GMNC: variants seen among roughly 807,000 people sequenced by gnomAD.
GMNC encodes the protein geminin coiled-coil domain containing, also known as geminin coiled-coil domain-containing protein 1.
Under a neutral mutation model 33.6 loss-of-function variants are expected in GMNC, and 16 were observed. The ratio of observed to expected loss-of-function variants is 0.48; its 90% CI spans 0.32 to 0.72. The LOEUF (loss-of-function observed/expected upper bound fraction) is 0.72. GMNC is among the 30% of genes least tolerant of loss of function. The pLI, the probability that GMNC is intolerant of heterozygous loss-of-function variation, is 0.03. For missense variants in GMNC, 393 were observed against 388.9 expected, an observed-to-expected ratio of 1.01 and a Z score of -0.09; for synonymous variants, 156 against 147.3, an observed-to-expected ratio of 1.06 and a Z score of -0.43.
chr3:190,849,343 T>C (rs936190083), downstream of GMNC, among the ~76,000 whole-genome samples: 1 of 143,542 alleles, frequency 7.0e-6, no homozygotes, highest in African/African-American at 2.8e-5. Flanking sequence ...CACTTCCAGG[T>C]TCCACCCAAG....
Position 190,855,094 on chromosome 3 carries a change from TA to T in GMNC, c.*200del. Reference sequence around the variant, plus strand: ...GGTGTGTAAACAAGTCAAATTTAGGTAAAAGAAGCGCGGACACGTTTCATTA... The same window carrying T: ...GGTGTGTAAACAAGTCAAATTTAGGTAAAGAAGCGCGGACACGTTTCATTA... On this transcript the variant is annotated 3_prime_UTR_variant, in exon 5 of 5. Transcript: ENST00000442080. The T allele has an allele frequency of 1.7e-6, 1 of 586,554 alleles. No homozygotes were observed. Among genetic ancestry groups the T allele is most frequent in the Non-Finnish European group, 3.0e-6 (1 of 333,740 alleles). The allele number at this position is 586,554 out of a possible 1,614,324, so 36.3% of individuals were successfully genotyped here.
rs113249463 is a variant in GMNC, at chr3:190,862,420, AAG to A, written c.3+191_3+192del. Among the ~76,000 whole-genome samples, 163 of 147,486 alleles carry A rather than the reference AAG, an allele frequency of 1.1e-3. No individual in the cohort carries two copies. The South Asian group carries it at 0.017, about 16-fold the overall frequency. On this transcript the variant is annotated intron_variant, in intron 1 of 4. Coordinates refer to ENST00000442080, the MANE Select transcript of GMNC (RefSeq NM_001146686.3). The surrounding 1 kb of genome is among the most constrained non-coding windows in gnomAD (Gnocchi z 4.5). ...GAAAGAAGAGGGAGAGAGGGAGAGA[AAG>A]AGAGAGAGAGAGAGAGAAAGCAGAT... is the stretch of plus-strand genomic sequence containing the variant.
At chr3:190,859,737 A>G (rs1381437425) in intron 2 of GMNC, 4 of 408,544 alleles carry the variant, frequency 9.8e-6, no homozygotes, top group African/African-American at 8.3e-5. Context: ...ATGGTTGGGC[A>G]TACTAACCAG....
chr3:190,845,571 A>ATGCT, the GMNC span, among the ~76,000 whole-genome samples: 1 of 131,540 alleles, frequency 7.6e-6, no homozygotes, highest in Non-Finnish European at 1.5e-5. Context: ...GTGCAGTGGT[A>ATGCT]TGCTCCCTGC....
intron 2 of GMNC, chr3:190,859,810 A>G (rs1233466760): frequency 4.4e-6 from 2 of 455,172 alleles, no homozygotes; most frequent in Middle Eastern, 3.3e-4. Flanking sequence ...CTCTGGTTAT[A>G]TTGTTGATAC....
chr3:190,858,480 A>C (rs1289766257), intron 3 of GMNC, among the ~76,000 whole-genome samples: 1 of 152,198 alleles, frequency 6.6e-6, no homozygotes, highest in East Asian at 1.9e-4. Context: ...AGATTAAATT[A>C]TCCTTCAGGG....
rs149123745 is a variant in GMNC, at chr3:190,861,773, T to A, written c.3+840A>T. 4.3e-4 allele frequency among the ~76,000 whole-genome samples: 65 copies of A among 152,258 alleles called. No homozygotes were observed. In the East Asian group the frequency reaches 0.012, roughly 27 times the overall value. Reference sequence around the variant, plus strand: ...CTCAAACACACAGTCTTTCCATACGTCCAGGCAGGGGCAGGTATGCAGCCT... The same window carrying A: ...CTCAAACACACAGTCTTTCCATACGACCAGGCAGGGGCAGGTATGCAGCCT... On this transcript the variant is annotated intron_variant, in intron 1 of 4. Transcript: ENST00000442080. This position sits in a 1 kb window ranked among gnomAD's most constrained non-coding sequence, Gnocchi z 5.1.
At chr3:190,860,924 G>A in intron 1 of GMNC, 66 bp from the exon 2 acceptor site, 12 of 1,134,594 alleles carry the variant, frequency 1.1e-5, no homozygotes, top group Middle Eastern at 2.2e-4. Flanking sequence ...TTTAGAAGGG[G>A]GAAAGGGTGG....
chr3:190,856,354 T>A (rs1344071567), intron 4 of GMNC, among the ~76,000 whole-genome samples: 19 of 136,364 alleles, frequency 1.4e-4, no homozygotes, highest in East Asian at 2.2e-4. Context: ...TTTATTAATA[T>A]ATATTTATAA....
chr3:190,858,333 G>C lies in GMNC; in HGVS notation c.268-434C>G, dbSNP rs189013859. Among the ~76,000 whole-genome samples, 381 of 151,748 alleles carry C rather than the reference G, an allele frequency of 2.5e-3. 5 individuals carry two copies. The highest frequency in any genetic ancestry group is 8.8e-3 in the African/African-American group (365 of 41,386). On this transcript the variant is annotated intron_variant, in intron 3 of 4. Transcript: ENST00000442080. ...ATGGACCTGTCTGTATGTCCACTAG[G>C]TTAAATTAAATATAGAAAATGATGT...
chr3:190,856,045 A>G, intron 4 of GMNC, 130 bp from the exon 5 acceptor site: 1 of 679,692 alleles, frequency 1.5e-6, no homozygotes, highest in Non-Finnish European at 2.4e-6. Flanking sequence ...TTGTAAAGTA[A>G]AATCTGTGAT....
In GMNC at chr3:190,862,553, T is replaced by G; in HGVS notation, c.3+60A>C. The stretch of plus-strand genomic sequence containing the variant: ...TGGAATAAATTCTAAATGCAAAGCT[T>G]ATTAACTTTCAGAGACCCAAGTTTG... On this transcript the variant is annotated intron_variant, in intron 1 of 4. Coordinates refer to ENST00000442080, the MANE Select transcript of GMNC (RefSeq NM_001146686.3). The surrounding 1 kb of genome is among the most constrained non-coding windows in gnomAD (Gnocchi z 4.5). The G allele has an allele frequency of 3.2e-6, 4 of 1,262,534 alleles. No homozygotes were observed. The highest frequency in any genetic ancestry group is 3.4e-6 in the Non-Finnish European group (3 of 882,846). The allele number at this position is 1,262,534 out of a possible 1,614,324, so 78.2% of individuals were successfully genotyped here.
intron 2 of GMNC, chr3:190,859,846 T>A (rs763795794): frequency 2.2e-6 from 1 of 455,000 alleles, no homozygotes. Context: ...TAAAGTGAAA[T>A]GATGAGTAAG....
rs997202110 is a variant in GMNC at position 190,853,741 on chromosome 3, T to C, written c.*1554A>G. ...TTAATTGAAGTTTGTCCAAAAAACATAGGTGCACATGCAGGATGTGCAAAT... is the reference window on the plus strand; with the variant it reads ...TTAATTGAAGTTTGTCCAAAAAACACAGGTGCACATGCAGGATGTGCAAAT... On this transcript the variant is annotated 3_prime_UTR_variant, in exon 5 of 5. Transcript: ENST00000442080. The C allele has an allele frequency of 3.9e-5, 6 of 152,082 alleles. No homozygotes were observed. The highest frequency in any genetic ancestry group is 1.4e-4 in the African/African-American group (6 of 41,414). 9.4% of individuals were successfully genotyped at this position (152,082 alleles called of 1,614,324 possible). A position where few individuals can be genotyped will look rare whatever the true frequency, so the allele number is the denominator to read the frequency against.
the GMNC span, among the ~76,000 whole-genome samples, chr3:190,843,751 A>C: frequency 6.6e-6 from 1 of 152,138 alleles, no homozygotes; most frequent in African/African-American, 2.4e-5. Context: ...TTTTTGCTTC[A>C]ATCAATTAAG....
chr3:190,858,900 C>T (rs1737804572), intron 3 of GMNC, 28 bp downstream of exon 3: 2 of 1,289,194 alleles, frequency 1.6e-6, no homozygotes, highest in Non-Finnish European at 2.2e-6. Context: ...AGAACATGAC[C>T]AGTCTCAATG....
intron 3 of GMNC, among the ~76,000 whole-genome samples, chr3:190,858,595 ACT>A (rs1166142451): frequency 6.6e-6 from 1 of 152,146 alleles, no homozygotes; most frequent in East Asian, 1.9e-4. Flanking sequence ...ATACTGTCAC[ACT>A]CATTATATCA....
chr3:190,844,602 T>C, the GMNC span, among the ~76,000 whole-genome samples: 1 of 151,866 alleles, frequency 6.6e-6, no homozygotes, highest in Non-Finnish European at 1.5e-5. Flanking sequence ...AAAAAAGTAT[T>C]TATCAATATT....
Position 190,860,874 on chromosome 3 carries a change from TG to T in GMNC, c.4-17del, listed in dbSNP as rs780369337. The T allele has an allele frequency of 4.0e-6, 6 of 1,508,450 alleles. No individual in the cohort carries two copies. Among genetic ancestry groups the T allele is most frequent in the East Asian group, 2.5e-5 (1 of 39,876 alleles). The allele number at this position is 1,508,450 out of a possible 1,614,324, so 93.4% of individuals were successfully genotyped here. On this transcript the variant is annotated splice_polypyrimidine_tract_variant and intron_variant, in intron 1 of 4. Transcript: ENST00000442080. ...GAATGGTGTTCTGTGAAATTCAGTATGGGGGGAGTGAGGGGTCCCAAAAGAT... is the reference window on the plus strand; with the variant it reads ...GAATGGTGTTCTGTGAAATTCAGTATGGGGGAGTGAGGGGTCCCAAAAGAT...
Sources: gnomAD v4.1 joint callset for allele counts (sites outside exome capture counted in the v4.1 genomes callset) on GRCh38, gnomAD v4.1.1 for gene constraint, Gnocchi (gnomAD v3.1) non-coding constraint, MANE v1.5 for transcripts, NCBI Gene and HGNC (gene_info 2026-07-23, HGNC 2026-07-21) for gene names.